PANX2: variants seen among roughly 807,000 people sequenced by gnomAD.
The protein encoded by PANX2 is pannexin 2, also known as pannexin-2.
Under a neutral mutation model 38.7 loss-of-function variants are expected in PANX2, and 30 were observed. That is an observed-to-expected ratio of 0.78 (90% CI 0.58 to 1.05). The LOEUF (loss-of-function observed/expected upper bound fraction) is 1.05, where lower values mean the gene tolerates loss of function less well. Ranked by LOEUF, PANX2 falls within the 50% of genes least tolerant of loss-of-function variation. The pLI is 0.00. For missense variants in PANX2, 880 were observed against 979.3 expected, an observed-to-expected ratio of 0.90 and a Z score of 1.35; for synonymous variants, 539 against 472.1, an observed-to-expected ratio of 1.14 and a Z score of -1.84.
At chr22:50,174,380 T>C (rs2063651292) in intron 1 of PANX2, among the ~76,000 whole-genome samples, 1 of 151,922 alleles carries the variant, frequency 6.6e-6, no homozygotes, top group African/African-American at 2.4e-5. Flanking sequence ...TAGCCTCGGG[T>C]CCTGGGGACG....
chr22:50,175,360 C>T, intron 1 of PANX2: 1 of 768,132 alleles, frequency 1.3e-6, no homozygotes, highest in Non-Finnish European at 1.9e-6. Context: ...CACACATGCC[C>T]AGCAAGGGTG....
intron 1 of PANX2, among the ~76,000 whole-genome samples, chr22:50,176,193 C>T (rs192249600): frequency 2.4e-4 from 36 of 152,374 alleles, no homozygotes; most frequent in African/African-American, 7.7e-4. Flanking sequence ...CTTTCACTGC[C>T]GTTCGTGTCA....
chr22:50,178,885 G>T (rs1289743524), intron 2 of PANX2, 49 bp from the exon 3 acceptor site: 2 of 1,458,056 alleles, frequency 1.4e-6, no homozygotes, highest in Admixed American at 2.1e-5. Flanking sequence ...CGCTGGGGGC[G>T]GCGCAGCGGA....
rs757689163 is a variant in PANX2 at position 50,177,846 on chromosome 22, G to C, written c.1134G>C (p.Val378=). The C allele has an allele frequency of 1.9e-6, 3 of 1,590,786 alleles. No individual in the cohort carries two copies. The highest frequency in any genetic ancestry group is 2.6e-6 in the Non-Finnish European group (3 of 1,175,256). Residue 378 remains valine, a synonymous_variant, in exon 2 of 3, where the codon GTG becomes GTC. Coordinates refer to ENST00000395842, the MANE Select transcript of PANX2 (RefSeq NM_052839.4). ...AGAGCGACCTCATGTACGACAACGT[G>C]GTCCGGCAGCTGCTGGCGGCGCTGG... ...TNESDLMYDN[V]VRQLLAALAQ...
intron 1 of PANX2, chr22:50,175,586 C>T (rs769278798): frequency 4.8e-5 from 24 of 497,288 alleles, no homozygotes; most frequent in East Asian, 2.0e-4. Context: ...ATGTCCCCAC[C>T]GAGGACTCGG....
In PANX2 at chr22:50,179,005, C is replaced by A; in HGVS notation, c.1762C>A (p.Pro588Thr). The A allele has an allele frequency of 6.2e-7, 1 of 1,610,044 alleles. No individual in the cohort carries two copies. The highest frequency in any genetic ancestry group is 8.5e-7 in the Non-Finnish European group (1 of 1,178,440). Reference protein sequence around the residue: ...PARAGLPSGGPFHVRSPPAAP... With the variant: ...PARAGLPSGGTFHVRSPPAAP... Reference sequence around the variant, plus strand: ...CCGGGCAGGGCTTCCCTCGGGGGGCCCGTTCCACGTCCGCTCACCTCCCGC... The same window carrying A: ...CCGGGCAGGGCTTCCCTCGGGGGGCACGTTCCACGTCCGCTCACCTCCCGC... The change falls in exon 3 of 3, where the codon CCG becomes ACG. Residue 588 changes from proline (P) to threonine (T), a missense_variant. By Grantham distance (38) the Pro-to-Thr change is conservative (BLOSUM62 -1). Coordinates refer to ENST00000395842, the MANE Select transcript of PANX2 (RefSeq NM_052839.4).
rs2147066022 is a variant in PANX2, at chr22:50,179,352, C to G, written c.*75C>G. On this transcript the variant is annotated 3_prime_UTR_variant, in exon 3 of 3. Transcript: ENST00000395842. ...GCCTGGCCAGCCTCCCGGTGGACACCAGCCCTGCGTGGACGTGGCCTGTGC... is the reference window on the plus strand; with the variant it reads ...GCCTGGCCAGCCTCCCGGTGGACACGAGCCCTGCGTGGACGTGGCCTGTGC... The G allele has an allele frequency of 9.7e-6, 13 of 1,342,812 alleles. No individual in the cohort carries two copies. Among genetic ancestry groups the G allele is most frequent in the Non-Finnish European group, 9.4e-6 (9 of 958,578 alleles). The allele number at this position is 1,342,812 out of a possible 1,614,324, so 83.2% of individuals were successfully genotyped here.
At position 50,177,171 on chromosome 22, in the gene PANX2, G is replaced by C. The variant is rs143921868; in HGVS notation, c.459G>C (p.Glu153Asp). The change falls in exon 2 of 3, where the codon GAG (glutamate) becomes GAC (aspartate). Residue 153 changes from glutamate (E) to aspartate (D), a missense_variant. Coordinates refer to ENST00000395842, the MANE Select transcript of PANX2 (RefSeq NM_052839.4). ...EFLASTRLTS[E>D]LNFLLQEIDN... is the part of the protein sequence containing the mutation. Reference sequence around the variant, plus strand: ...TGGCCTCCACGCGCCTCACCTCCGAGCTCAACTTCCTGCTGCAGGAGATCG... The same window carrying C: ...TGGCCTCCACGCGCCTCACCTCCGACCTCAACTTCCTGCTGCAGGAGATCG... 2 of 1,609,134 alleles carry C rather than the reference G, an allele frequency of 1.2e-6. No homozygotes were observed. Among genetic ancestry groups the C allele is most frequent in the Non-Finnish European group, 1.7e-6 (2 of 1,177,944 alleles).
Position 50,179,435 on chromosome 22 carries a change from C to T in PANX2, c.*158C>T. The stretch of plus-strand genomic sequence containing the variant: ...TCCGCATGCCTGGGGCCTTCGCCCC[C>T]ACGTGCTCGACAGGGGAACCCGCCC... On this transcript the variant is annotated 3_prime_UTR_variant, in exon 3 of 3. Transcript: ENST00000395842. The T allele has an allele frequency of 1.5e-6, 1 of 682,228 alleles. No individual in the cohort carries two copies. The highest frequency in any genetic ancestry group is 2.9e-5 in the East Asian group (1 of 34,156). 42.3% of individuals were successfully genotyped at this position (682,228 alleles called of 1,614,324 possible).
chr22:50,175,398 C>G, intron 1 of PANX2: 1 of 1,225,914 alleles, frequency 8.2e-7, no homozygotes, highest in Non-Finnish European at 1.1e-6. Flanking sequence ...CAGCTCAGGA[C>G]GGGACACAAA....
Position 50,177,126 on chromosome 22 carries a change from C to G in PANX2, c.414C>G (p.Pro138=). 1.2e-6 allele frequency: 2 copies of G among 1,608,314 alleles called. No individual in the cohort carries two copies. Among genetic ancestry groups the G allele is most frequent in the Middle Eastern group, 1.7e-4 (1 of 6,044 alleles). The change falls in exon 2 of 3, where the codon CCC becomes CCG. Residue 138 remains proline, a synonymous_variant. Transcript: ENST00000395842. Reference sequence around the variant, plus strand: ...CCTTCGCCGCCATCATGTACGTGCCCGCGCTGGGCTGGGAGTTCCTGGCCT... The same window carrying G: ...CCTTCGCCGCCATCATGTACGTGCCGGCGCTGGGCTGGGAGTTCCTGGCCT... ...LLAFAAIMYV[P]ALGWEFLAST...
chr22:50,177,154 A>G lies in PANX2; in HGVS notation c.442A>G (p.Thr148Ala). ...GCTGGGCTGGGAGTTCCTGGCCTCC[A>G]CGCGCCTCACCTCCGAGCTCAACTT... is the stretch of plus-strand genomic sequence containing the variant. ...PALGWEFLAS[T>A]RLTSELNFLL... Residue 148 changes from threonine to alanine, a missense_variant, in exon 2 of 3, where the codon ACG becomes GCG. Physicochemically the swap from Thr to Ala is moderately conservative, Grantham distance 58. Around this residue, in one of 4 missense-constraint regions of PANX2, gnomAD observed 243 missense variants for 333.1 expected, o/e 0.73. Coordinates refer to ENST00000395842, the MANE Select transcript of PANX2 (RefSeq NM_052839.4). The G allele has an allele frequency of 6.2e-7, 1 of 1,608,080 alleles. No homozygotes were observed. Among genetic ancestry groups the G allele is most frequent in the Non-Finnish European group, 8.5e-7 (1 of 1,177,286 alleles).
At position 50,170,925 on chromosome 22, in the gene PANX2, G is replaced by A. The variant is rs758826019; in HGVS notation, c.195G>A (p.Leu65=). The A allele has an allele frequency of 4.6e-6, 7 of 1,524,796 alleles. No homozygotes were observed. The highest frequency in any genetic ancestry group is 4.4e-6 in the Non-Finnish European group (5 of 1,136,152). The allele number at this position is 1,524,796 out of a possible 1,614,324, so 94.5% of individuals were successfully genotyped here. The change falls in exon 1 of 3, where the codon CTG becomes CTA. Residue 65 remains leucine (L), a synonymous_variant. Transcript: ENST00000395842. The stretch of plus-strand genomic sequence containing the variant: ...GCACCGTGCTGGTGCCCATCCTGCT[G>A]GTCACCCTGGTCTTCACCAAGAACT... ...TIGTVLVPIL[L]VTLVFTKNFA...
At chr22:50,178,815 C>A in intron 2 of PANX2, 119 bp from the exon 3 acceptor site, 2 of 833,774 alleles carry the variant, frequency 2.4e-6, no homozygotes, top group Non-Finnish European at 3.6e-6. Flanking sequence ...CCAGGCCCAG[C>A]GTCTCCAGGG....
intron 1 of PANX2, among the ~76,000 whole-genome samples, chr22:50,173,189 G>A (rs914186781): frequency 2.0e-5 from 3 of 151,562 alleles, no homozygotes; most frequent in African/African-American, 7.3e-5. Context: ...GAGCCACCGT[G>A]CCTGACCCAT....
In PANX2 at chr22:50,180,201, T is replaced by C. The variant is rs2063692226; in HGVS notation, c.*924T>C. ...GTGGGAGCCCCGGCCGGCACCCGGCTGGTCCCACCCCAAATACCTCAGCCA... is the reference window on the plus strand; with the variant it reads ...GTGGGAGCCCCGGCCGGCACCCGGCCGGTCCCACCCCAAATACCTCAGCCA... On this transcript the variant is annotated 3_prime_UTR_variant, in exon 3 of 3. Coordinates refer to ENST00000395842, the MANE Select transcript of PANX2 (RefSeq NM_052839.4). 1 of 152,290 alleles carries C rather than the reference T, an allele frequency of 6.6e-6. No homozygotes were observed. Among genetic ancestry groups the C allele is most frequent in the Non-Finnish European group, 1.5e-5 (1 of 68,066 alleles). The allele number at this position is 152,290 out of a possible 1,614,324, so 9.4% of individuals were successfully genotyped here.
chr22:50,177,363 C>T lies in PANX2; in HGVS notation c.651C>T (p.Arg217=). Residue 217 remains arginine (R), a synonymous_variant, in exon 2 of 3, where the codon CGC becomes CGT. Coordinates refer to ENST00000395842, the MANE Select transcript of PANX2 (RefSeq NM_052839.4). ...TGTTCGAGAAGTACCTGGAGCGCCGCGGCCGCAGCAACTTCCTGGCCAAGC... is the reference window on the plus strand; with the variant it reads ...TGTTCGAGAAGTACCTGGAGCGCCGTGGCCGCAGCAACTTCCTGGCCAAGC... The part of the protein sequence containing the change: ...QNLFEKYLER[R]GRSNFLAKLY... 2.5e-6 allele frequency: 4 copies of T among 1,609,594 alleles called. No homozygotes were observed. The highest frequency in any genetic ancestry group is 3.4e-6 in the Non-Finnish European group (4 of 1,178,308).
At chr22:50,173,258 C>T (rs2063644301) in intron 1 of PANX2, among the ~76,000 whole-genome samples, 1 of 152,266 alleles carries the variant, frequency 6.6e-6, no homozygotes, top group Admixed American at 6.5e-5. Context: ...GTCTCGATCT[C>T]CTGATCTCAG....
At chr22:50,171,941 G>A (rs1193481935) in intron 1 of PANX2, among the ~76,000 whole-genome samples, 1 of 152,200 alleles carries the variant, frequency 6.6e-6, no homozygotes, top group Non-Finnish European at 1.5e-5. Flanking sequence ...TTGCCTTAAG[G>A]AGTCCCCGTG....
Sources: gnomAD v4.1 joint callset for allele counts (sites outside exome capture counted in the v4.1 genomes callset) on GRCh38, gnomAD v4.1.1 for gene constraint, gnomAD v4.1.1 regional missense constraint, MANE v1.5 for transcripts, NCBI Gene and HGNC (gene_info 2026-07-23, HGNC 2026-07-21) for gene names.